The following KCMF1 variants were observed in gnomAD, a reference collection of about 807,000 sequenced individuals.
KCMF1 encodes the protein E3 ubiquitin-protein ligase KCMF1.
A neutral mutation model predicts 41.1 loss-of-function variants in KCMF1; 3 were observed. The observed-to-expected ratio is 0.07, with a 90% CI of 0.03 to 0.19. KCMF1 has a LOEUF of 0.19. Ranked by LOEUF, KCMF1 falls within the 10% of genes least tolerant of loss-of-function variation. The pLI is 1.00. For missense variants in KCMF1, 286 were observed against 488.9 expected, an observed-to-expected ratio of 0.58 and a Z score of 3.91; for synonymous variants, 142 against 164.5, an observed-to-expected ratio of 0.86 and a Z score of 1.04.
Position 85,055,095 on chromosome 2 carries a change from C to G in KCMF1, c.*1686C>G, listed in dbSNP as rs886769277. 1 of 152,216 alleles carries G rather than the reference C, an allele frequency of 6.6e-6. No individual in the cohort carries two copies. The highest frequency in any genetic ancestry group is 1.5e-5 in the Non-Finnish European group (1 of 68,040). The allele number at this position is 152,216 out of a possible 1,614,324, so 9.4% of individuals were successfully genotyped here. ...TAAAGGAAAACTTTACACCAGGCTT[C>G]TGGTTACACTAGAAGTCAAGCCCAT... On this transcript the variant is annotated 3_prime_UTR_variant, in exon 7 of 7. Coordinates refer to ENST00000409785, the MANE Select transcript of KCMF1 (RefSeq NM_020122.5).
At chr2:85,009,697 ATACT>A (rs1674607657) in intron 1 of KCMF1, among the ~76,000 whole-genome samples, 1 of 151,990 alleles carries the variant, frequency 6.6e-6, no homozygotes, top group East Asian at 1.9e-4. Flanking sequence ...TGGAAATGAT[ATACT>A]TACTTAATCC....
chr2:85,028,935 G>A (rs1048501753), intron 2 of KCMF1, among the ~76,000 whole-genome samples: 3 of 152,030 alleles, frequency 2.0e-5, no homozygotes, highest in African/African-American at 7.2e-5. Context: ...TCTTTTGTTC[G>A]TGCTATTAAC....
intron 6 of KCMF1, among the ~76,000 whole-genome samples, chr2:85,052,551 G>A (rs528318494): frequency 9.9e-5 from 15 of 152,194 alleles, no homozygotes; most frequent in Non-Finnish European, 2.1e-4. Context: ...ACATGCATCA[G>A]GGGAGCAAGT....
intron 3 of KCMF1, among the ~76,000 whole-genome samples, chr2:85,041,800 G>T (rs1177005415): frequency 2.0e-5 from 3 of 146,734 alleles, no homozygotes; most frequent in African/African-American, 7.6e-5. Flanking sequence ...AGCAAGTCTG[G>T]CCGGAGTTTA....
At chr2:85,030,218 T>A (rs1025424847) in intron 2 of KCMF1, among the ~76,000 whole-genome samples, 7 of 152,176 alleles carry the variant, frequency 4.6e-5, no homozygotes, top group African/African-American at 1.7e-4. Context: ...ATTGTAATAG[T>A]TTTTTATTCC....
intron 4 of KCMF1, among the ~76,000 whole-genome samples, chr2:85,044,765 C>T (rs1025289415): frequency 5.9e-5 from 9 of 152,182 alleles, no homozygotes; most frequent in African/African-American, 2.2e-4. Flanking sequence ...GTGATCTGCC[C>T]ACCTCAGCTT....
rs1317730512 is a variant in KCMF1, at chr2:85,049,347, T to G, written c.602-19T>G. On this transcript the variant is annotated intron_variant, in intron 5 of 6. Transcript: ENST00000409785. ...CTCAGTATTAAGCAGACATTAATTG[T>G]CTTCATTTCCATTGGCAGAGCTTTT... is the stretch of plus-strand genomic sequence containing the variant. 6.2e-7 allele frequency: 1 copy of G among 1,609,828 alleles called. No individual in the cohort carries two copies. Among genetic ancestry groups the G allele is most frequent in the Admixed American group, 1.7e-5 (1 of 59,914 alleles).
At chr2:85,049,200 G>A (rs1464965587) in intron 5 of KCMF1, among the ~76,000 whole-genome samples, 166 bp from the exon 6 acceptor site, 1 of 152,338 alleles carries the variant, frequency 6.6e-6, no homozygotes, top group East Asian at 1.9e-4. Context: ...AGTAACTCCT[G>A]CCTTCAGGAG....
At chr2:85,042,265 A>G (rs995965861) in intron 3 of KCMF1, among the ~76,000 whole-genome samples, 1 of 152,208 alleles carries the variant, frequency 6.6e-6, no homozygotes, top group African/African-American at 2.4e-5. Flanking sequence ...ACTGATATCA[A>G]ATCAGAGTTG....
At chr2:85,004,661 G>C (rs2103994161) in intron 1 of KCMF1, among the ~76,000 whole-genome samples, 1 of 152,088 alleles carries the variant, frequency 6.6e-6, no homozygotes. Context: ...GTGGGCACAG[G>C]GTCTGTCTTA....
At chr2:85,036,902 A>G (rs966910387) in intron 3 of KCMF1, among the ~76,000 whole-genome samples, 5 of 151,122 alleles carry the variant, frequency 3.3e-5, no homozygotes, top group East Asian at 1.9e-4. Flanking sequence ...TTATCAGCCA[A>G]TAGTCCCTAG....
At position 84,976,719 on chromosome 2, in the gene KCMF1, T is replaced by A. The variant is rs147951944; in HGVS notation, c.16+5252T>A. ...ATAATTTCTCTAGCTTTTTGAAGAT[T>A]TTCACATGTAAAAATGATAGTGGAT... is the stretch of plus-strand genomic sequence containing the variant. On this transcript the variant is annotated intron_variant, in intron 1 of 6. Coordinates refer to ENST00000409785, the MANE Select transcript of KCMF1 (RefSeq NM_020122.5). 2.5e-3 allele frequency among the ~76,000 whole-genome samples: 376 copies of A among 152,158 alleles called. 3 individuals are homozygous for A. Among genetic ancestry groups the A allele is most frequent in the African/African-American group, 8.8e-3 (365 of 41,534 alleles).
chr2:85,021,575 T>C (rs1674940325), intron 1 of KCMF1, among the ~76,000 whole-genome samples: 1 of 151,810 alleles, frequency 6.6e-6, no homozygotes, highest in Non-Finnish European at 1.5e-5. Context: ...TGAGCCAAGA[T>C]TGCGCCACTG....
intron 1 of KCMF1, among the ~76,000 whole-genome samples, chr2:85,008,485 CTT>C (rs1377611205): frequency 1.1e-4 from 14 of 132,426 alleles, no homozygotes; most frequent in African/African-American, 3.6e-4. Context: ...TCTCATATAT[CTT>C]ATATATATTT....
chr2:84,998,344 T>C (rs1674226502), intron 1 of KCMF1, among the ~76,000 whole-genome samples: 2 of 151,736 alleles, frequency 1.3e-5, no homozygotes. Context: ...ATCCACCCGC[T>C]TTGGCCTCCC....
chr2:84,975,728 ATG>A (rs1245272146), intron 1 of KCMF1, among the ~76,000 whole-genome samples: 1 of 152,224 alleles, frequency 6.6e-6, no homozygotes, highest in Non-Finnish European at 1.5e-5. Flanking sequence ...ATTTTTTAAA[ATG>A]TCTCACTATC....
chr2:85,058,037 T>C lies in KCMF1; in HGVS notation c.*4628T>C, dbSNP rs747848699. On this transcript the variant is annotated 3_prime_UTR_variant, in exon 7 of 7. Transcript: ENST00000409785. ...TAAGTCTGACTGTCCCAGGTAACTT[T>C]ACTTGCTGTACAGATAGTGCACAGA... 1 of 152,216 alleles carries C rather than the reference T, an allele frequency of 6.6e-6. No individual in the cohort carries two copies. The highest frequency in any genetic ancestry group is 1.5e-5 in the Non-Finnish European group (1 of 68,052). 9.4% of individuals were successfully genotyped at this position (152,216 alleles called of 1,614,324 possible). A position where few individuals can be genotyped will look rare whatever the true frequency, so the allele number is the denominator to read the frequency against.
intron 1 of KCMF1, among the ~76,000 whole-genome samples, chr2:85,020,816 G>C (rs559159758): frequency 6.6e-6 from 1 of 152,080 alleles, no homozygotes; most frequent in East Asian, 1.9e-4. Flanking sequence ...CTTTGCCCAC[G>C]CTGTCCTTCA....
At chr2:85,016,933 A>G in intron 1 of KCMF1, among the ~76,000 whole-genome samples, 1 of 146,754 alleles carries the variant, frequency 6.8e-6, no homozygotes, top group Non-Finnish European at 1.5e-5. Flanking sequence ...TAGGTGATCC[A>G]CCCATCTCAG....
Sources: gnomAD v4.1 joint callset for allele counts (sites outside exome capture counted in the v4.1 genomes callset) on GRCh38, gnomAD v4.1.1 for gene constraint, MANE v1.5 for transcripts, NCBI Gene and HGNC (gene_info 2026-07-23, HGNC 2026-07-21) for gene names.